NME7: variants seen among roughly 807,000 people sequenced by gnomAD.
NME7 encodes the protein NME/NM23 family member 7.
NME7 carries 41 observed loss-of-function variants against 49.1 expected under a neutral mutation model. The observed-to-expected ratio is 0.83, with a 90% CI of 0.65 to 1.08. The LOEUF (loss-of-function observed/expected upper bound fraction) is 1.08, where lower values mean the gene tolerates loss of function less well. Among genes scored for constraint, NME7 ranks in the 50% least tolerant of loss-of-function variants. NME7 has a pLI of 0.00. For missense variants in NME7, 423 were observed against 463.4 expected, an observed-to-expected ratio of 0.91 and a Z score of 0.80; for synonymous variants, 139 against 150.6, an observed-to-expected ratio of 0.92 and a Z score of 0.56.
At position 169,137,906 on chromosome 1, in the gene NME7, C is replaced by CA. The variant is rs559241295; in HGVS notation, c.1099-5090dup. ...CCTTGGGCTGCAGATGTACCCCCCA[C>CA]AAATCTATTTATGGTCTAATTAAAA... is the stretch of plus-strand genomic sequence containing the variant. On this transcript the variant is annotated intron_variant, in intron 11 of 11. Transcript: ENST00000367811. 6.3e-3 allele frequency among the ~76,000 whole-genome samples: 955 copies of CA among 152,288 alleles called. 10 individuals are homozygous for CA. The highest frequency in any genetic ancestry group is 0.022 in the African/African-American group (899 of 41,560).
intron 7 of NME7, among the ~76,000 whole-genome samples, chr1:169,256,133 C>T (rs1296886528): frequency 2.3e-5 from 3 of 133,286 alleles, no homozygotes; most frequent in Non-Finnish European, 5.3e-5. Flanking sequence ...TGGGGAAGTT[C>T]TCCTGGATAA....
At chr1:169,157,213 G>T (rs1275435242) in intron 11 of NME7, among the ~76,000 whole-genome samples, 2 of 152,120 alleles carry the variant, frequency 1.3e-5, no homozygotes, top group Non-Finnish European at 2.9e-5. Flanking sequence ...GGGTATGGAG[G>T]TGCACTGTCC....
At chr1:169,321,661 T>C (rs1340542518) in intron 3 of NME7, among the ~76,000 whole-genome samples, 1 of 152,146 alleles carries the variant, frequency 6.6e-6, no homozygotes, top group Non-Finnish European at 1.5e-5. Flanking sequence ...CCATCACCAT[T>C]TGTGTACTAA....
At chr1:169,361,787 A>G (rs1221225297) in intron 1 of NME7, among the ~76,000 whole-genome samples, 1 of 152,124 alleles carries the variant, frequency 6.6e-6, no homozygotes, top group Non-Finnish European at 1.5e-5. Flanking sequence ...GTCTAAAAAA[A>G]AAAAAAGGCA....
intron 7 of NME7, among the ~76,000 whole-genome samples, chr1:169,244,279 A>G (rs1308464954): frequency 3.3e-5 from 5 of 152,198 alleles, no homozygotes; most frequent in Non-Finnish European, 1.5e-5. Flanking sequence ...GGAAAAAAAG[A>G]TCACTTTATT....
intron 3 of NME7, among the ~76,000 whole-genome samples, chr1:169,317,577 T>C (rs969538098): frequency 6.6e-6 from 1 of 152,102 alleles, no homozygotes. Flanking sequence ...GGCATTAGGG[T>C]GCCCTTCTGC....
intron 1 of NME7, among the ~76,000 whole-genome samples, chr1:169,342,080 G>A (rs1223146880): frequency 6.6e-6 from 1 of 152,098 alleles, no homozygotes; most frequent in Non-Finnish European, 1.5e-5. Flanking sequence ...GATTTGGGAG[G>A]GGCCAGGGGT....
chr1:169,298,478 G>C, intron 6 of NME7, 78 bp downstream of exon 6: 1 of 1,423,962 alleles, frequency 7.0e-7, no homozygotes, highest in South Asian at 1.3e-5. Context: ...TAAGTCACCA[G>C]TGATAGAAAT....
chr1:169,358,003 T>G lies in NME7; in HGVS notation c.3+9705A>C, dbSNP rs114335192. ...CTGGTCTCAAGACCAATCTCTGCCA[T>G]TTCCCTCCCTTTTACCAGCTTTTTC... On this transcript the variant is annotated intron_variant, in intron 1 of 11. Transcript: ENST00000367811. Among the ~76,000 whole-genome samples, 385 of 152,186 alleles carry G rather than the reference T, an allele frequency of 2.5e-3. 2 individuals carry two copies. The highest frequency in any genetic ancestry group is 9.0e-3 in the African/African-American group (373 of 41,566).
Position 169,272,890 on chromosome 1 carries a change from G to T in NME7, c.754+14413C>A, listed in dbSNP as rs1269130411. Among the ~76,000 whole-genome samples, 3 of 132,858 alleles carry T rather than the reference G, an allele frequency of 2.3e-5. 1 individual carries two copies. Among genetic ancestry groups the T allele is most frequent in the Non-Finnish European group, 5.3e-5 (3 of 56,514 alleles). 87.2% of individuals were successfully genotyped at this position (132,858 alleles called of 152,430 possible). ...CACCACACTGTCATACACAATGAAG[G>T]AACTAATTTTACTCTCCCAGTAACA... On this transcript the variant is annotated intron_variant, in intron 7 of 11. Coordinates refer to ENST00000367811, the MANE Select transcript of NME7 (RefSeq NM_013330.5).
At chr1:169,183,866 G>A (rs1167649591) in intron 10 of NME7, among the ~76,000 whole-genome samples, 1 of 151,970 alleles carries the variant, frequency 6.6e-6, no homozygotes. Context: ...TCCTATTAAT[G>A]AGAACATTTA....
chr1:169,241,532 C>T (rs886812906), intron 7 of NME7, among the ~76,000 whole-genome samples: 36 of 151,700 alleles, frequency 2.4e-4, no homozygotes, highest in Admixed American at 2.4e-3. Context: ...ATGCTTCAAT[C>T]AATATGAAAA....
intron 10 of NME7, chr1:169,190,731 A>G: frequency 2.4e-6 from 1 of 414,116 alleles, no homozygotes; most frequent in Non-Finnish European, 4.8e-6. Flanking sequence ...ATATAAAAAA[A>G]GTGTAGGTTG....
chr1:169,347,957 C>T (rs12097260), intron 1 of NME7, among the ~76,000 whole-genome samples: 6,588 of 152,222 alleles, frequency 0.043, 208 homozygotes, highest in East Asian at 0.12. Context: ...GCTAAATATA[C>T]ATATAGATTT....
intron 10 of NME7, among the ~76,000 whole-genome samples, chr1:169,209,124 C>T (rs529356430): frequency 1.3e-5 from 2 of 152,036 alleles, no homozygotes; most frequent in Non-Finnish European, 2.9e-5. Context: ...GAAGGAGCAG[C>T]ATAAGACCTC....
intron 10 of NME7, among the ~76,000 whole-genome samples, chr1:169,217,718 C>T (rs1454993844): frequency 1.3e-5 from 2 of 152,142 alleles, no homozygotes; most frequent in East Asian, 1.9e-4. Flanking sequence ...AAAGTATTTA[C>T]CCCATTGCCT....
At chr1:169,181,364 T>TAC (rs58453647) in intron 10 of NME7, among the ~76,000 whole-genome samples, 15,118 of 91,294 alleles carry the variant, frequency 0.17, 832 homozygotes, top group Admixed American at 0.26. Context: ...CTCAAATTCC[T>TAC]ACACACACAC....
rs1322209692 is a variant in NME7 at position 169,265,207 on chromosome 1, C to T, written c.754+22096G>A. On this transcript the variant is annotated intron_variant, in intron 7 of 11. Coordinates refer to ENST00000367811, the MANE Select transcript of NME7 (RefSeq NM_013330.5). The stretch of plus-strand genomic sequence containing the variant: ...CGCCAAACCATATCACCACATGATA[C>T]ATACTCTAAAATCAACCACGGAATC... Among the ~76,000 whole-genome samples the T allele has an allele frequency of 1.5e-5, 2 of 132,882 alleles. 1 individual carries two copies. The highest frequency in any genetic ancestry group is 3.5e-5 in the Non-Finnish European group (2 of 56,618). The allele number at this position is 132,882 out of a possible 152,430, so 87.2% of individuals were successfully genotyped here.
intron 10 of NME7, among the ~76,000 whole-genome samples, chr1:169,215,094 A>G (rs1458078877): frequency 1.3e-5 from 2 of 152,202 alleles, no homozygotes; most frequent in Non-Finnish European, 2.9e-5. Context: ...TTCACTGAGC[A>G]ATGAAAGTAG....
Sources: gnomAD v4.1 joint callset for allele counts (sites outside exome capture counted in the v4.1 genomes callset) on GRCh38, gnomAD v4.1.1 for gene constraint, MANE v1.5 for transcripts, NCBI Gene and HGNC (gene_info 2026-07-23, HGNC 2026-07-21) for gene names.